The following ZNF791 variants were observed in gnomAD, a reference collection of about 807,000 sequenced individuals.
The protein encoded by ZNF791 is zinc finger protein 791.
In ZNF791, 4 loss-of-function variants were observed where a neutral mutation model predicts 11.5. The observed-to-expected ratio is 0.35, with a 90% CI of 0.17 to 0.80. The LOEUF is 0.80. Ranked by LOEUF, ZNF791 falls within the 30% of genes least tolerant of loss-of-function variation. ZNF791 has a pLI of 0.53. For synonymous variants in ZNF791, 212 were observed against 228.1 expected, an observed-to-expected ratio of 0.93 and a Z score of 0.64; for missense variants, 559 against 699.4, an observed-to-expected ratio of 0.80 and a Z score of 2.26.
At position 12,628,019 on chromosome 19, in the gene ZNF791, C is replaced by T. The variant is rs2023453600; in HGVS notation, c.490C>T (p.Gln164Ter). ...TGGAGAAAAACCCTATAAATGTAAA[C>T]AATGTGGAAAAACCTTCATATATCA... is the stretch of plus-strand genomic sequence containing the variant. ...HTGEKPYKCK[Q>*]CGKTFIYHQP... Residue 164 changes from glutamine to a stop codon, truncating the protein, a stop_gained, in exon 4 of 4, where the codon CAA becomes TAA. Transcript: ENST00000343325. LOFTEE classifies it low-confidence loss of function (END_TRUNC). 2 of 1,612,820 alleles carry T rather than the reference C, an allele frequency of 1.2e-6. No homozygotes were observed. The highest frequency in any genetic ancestry group is 1.7e-6 in the Non-Finnish European group (2 of 1,179,558).
chr19:12,629,133 T>C lies in ZNF791; in HGVS notation c.1604T>C (p.Leu535Pro). The change falls in exon 4 of 4, where the codon CTT (leucine) becomes CCT (proline). Residue 535 changes from leucine to proline, a missense_variant. Physicochemically the swap from Leu to Pro is moderately conservative, Grantham distance 98. Coordinates refer to ENST00000343325, the MANE Select transcript of ZNF791 (RefSeq NM_153358.3). ...KCKECGKAFS[L>P]HSSFQRHTRI... ...AAAGAATGTGGGAAGGCCTTTAGTCTTCACAGTTCCTTTCAAAGACATACA... is the reference window on the plus strand; with the variant it reads ...AAAGAATGTGGGAAGGCCTTTAGTCCTCACAGTTCCTTTCAAAGACATACA... 6.2e-7 allele frequency: 1 copy of C among 1,603,092 alleles called. No individual in the cohort carries two copies. Among genetic ancestry groups the C allele is most frequent in the Non-Finnish European group, 8.5e-7 (1 of 1,175,902 alleles).
intron 1 of ZNF791, among the ~76,000 whole-genome samples, chr19:12,621,326 A>G (rs1223624602): frequency 2.0e-5 from 3 of 152,104 alleles, no homozygotes; most frequent in Non-Finnish European, 4.4e-5. Context: ...ATTTTGTGAA[A>G]GTCTAAGTTG....
At chr19:12,621,361 G>A (rs967016755) in intron 1 of ZNF791, among the ~76,000 whole-genome samples, 1 of 152,068 alleles carries the variant, frequency 6.6e-6, no homozygotes, top group Non-Finnish European at 1.5e-5. Flanking sequence ...TTGTGCCTGA[G>A]CTGTCTTCCC....
intron 1 of ZNF791, among the ~76,000 whole-genome samples, chr19:12,619,946 C>T (rs1387000887): frequency 1.3e-5 from 2 of 150,620 alleles, no homozygotes; most frequent in East Asian, 1.9e-4. Context: ...TTTTTTGAGA[C>T]GGAGTCTCGC....
At chr19:12,612,551 C>G (rs1158301302) in intron 1 of ZNF791, among the ~76,000 whole-genome samples, 2 of 150,398 alleles carry the variant, frequency 1.3e-5, no homozygotes, top group East Asian at 1.9e-4. Flanking sequence ...AAGCGATTCT[C>G]CTGCCTCAAC....
rs8102283 is a variant in ZNF791, at chr19:12,613,408, C to T, written c.3+2326C>T. 8.6e-3 allele frequency among the ~76,000 whole-genome samples: 1,306 copies of T among 151,952 alleles called. 25 individuals carry two copies. Among genetic ancestry groups the T allele is most frequent in the African/African-American group, 0.03 (1,259 of 41,476 alleles). ...CATCCTGGCTAACATTGTGAAACCC[C>T]GTCTCTACTAAAAATACAAAAAATT... On this transcript the variant is annotated intron_variant, in intron 1 of 3. Transcript: ENST00000343325.
Position 12,623,870 on chromosome 19 carries a change from T to TTG in ZNF791, c.130+44_130+45insTG, listed in dbSNP as rs1555703477. The TTG allele has an allele frequency of 1.2e-3, 870 of 714,740 alleles. 2 individuals carry two copies. Among genetic ancestry groups the TTG allele is most frequent in the African/African-American group, 3.9e-3 (187 of 48,152 alleles). 44.3% of individuals were successfully genotyped at this position (714,740 alleles called of 1,614,324 possible). A position where few individuals can be genotyped will look rare whatever the true frequency, so the allele number is the denominator to read the frequency against. On this transcript the variant is annotated intron_variant, in intron 2 of 3. Coordinates refer to ENST00000343325, the MANE Select transcript of ZNF791 (RefSeq NM_153358.3). The stretch of plus-strand genomic sequence containing the variant: ...TTTCTTTTTTCTTTTTTTTTTTTTT[T>TTG]GGGGGGGGACAGAGTTTCACTATTG...
rs771611758 is a variant in ZNF791, at chr19:12,628,059, G to C, written c.530G>C (p.Arg177Thr). ...KTFIYHQPFQ[R>T]HERTHIGEKP... ...TTCATATATCACCAGCCCTTTCAAA[G>C]ACATGAGCGGACTCACATTGGAGAA... Residue 177 changes from arginine to threonine, a missense_variant, in exon 4 of 4, where the codon AGA becomes ACA. Coordinates refer to ENST00000343325, the MANE Select transcript of ZNF791 (RefSeq NM_153358.3). The C allele has an allele frequency of 1.2e-6, 2 of 1,613,442 alleles. No homozygotes were observed. Among genetic ancestry groups the C allele is most frequent in the South Asian group, 2.2e-5 (2 of 90,982 alleles).
At chr19:12,619,123 G>C (rs571401972) in intron 1 of ZNF791, among the ~76,000 whole-genome samples, 1 of 152,082 alleles carries the variant, frequency 6.6e-6, no homozygotes, top group Non-Finnish European at 1.5e-5. Flanking sequence ...GGGATTACAG[G>C]CGTGAGCCAC....
chr19:12,611,228 C>A, intron 1 of ZNF791, 146 bp downstream of exon 1: 2 of 1,136,054 alleles, frequency 1.8e-6, no homozygotes, highest in South Asian at 1.5e-5. Context: ...CGACTGCGGT[C>A]CCAGCCCCGG....
intron 1 of ZNF791, among the ~76,000 whole-genome samples, chr19:12,622,497 C>T (rs1256115649): frequency 6.8e-6 from 1 of 146,748 alleles, no homozygotes; most frequent in Non-Finnish European, 1.5e-5. Context: ...AGAAATTAGG[C>T]TGTGGGCTGG....
rs2023516142 is a variant in ZNF791 at position 12,632,887 on chromosome 19, A to G, written c.*3627A>G. ...GAGGTGGGCGGATCACGAAGTCAGG[A>G]GATTGAGACCATCCTGGCTAATACA... is the stretch of plus-strand genomic sequence containing the variant. On this transcript the variant is annotated 3_prime_UTR_variant, in exon 4 of 4. Transcript: ENST00000343325. 1.3e-5 allele frequency: 2 copies of G among 152,188 alleles called. No homozygotes were observed. Among genetic ancestry groups the G allele is most frequent in the African/African-American group, 4.8e-5 (2 of 41,528 alleles). 9.4% of individuals were successfully genotyped at this position (152,188 alleles called of 1,614,324 possible).
chr19:12,614,000 G>C (rs935710829), intron 1 of ZNF791, among the ~76,000 whole-genome samples: 8 of 152,166 alleles, frequency 5.3e-5, no homozygotes, highest in African/African-American at 1.7e-4. Flanking sequence ...TGAAGGTCAG[G>C]ACTTATGTTT....
Position 12,628,764 on chromosome 19 carries a change from A to G in ZNF791, c.1235A>G (p.Tyr412Cys). ...AGAAATCACACTGGAGAAAAACCCT[A>G]TGAGTGTAAGGAATGTGCAAAAACC... Reference protein sequence around the residue: ...HKRNHTGEKPYECKECAKTFI... With the variant: ...HKRNHTGEKPCECKECAKTFI... The change falls in exon 4 of 4, where the codon TAT (tyrosine) becomes TGT (cysteine). Residue 412 changes from tyrosine to cysteine, a missense_variant. By Grantham distance (194) the Tyr-to-Cys change is radical. Transcript: ENST00000343325. 6.2e-7 allele frequency: 1 copy of G among 1,612,730 alleles called. No homozygotes were observed. Among genetic ancestry groups the G allele is most frequent in the South Asian group, 1.1e-5 (1 of 90,636 alleles).
chr19:12,614,178 AG>A (rs1323997900), intron 1 of ZNF791, among the ~76,000 whole-genome samples: 2 of 152,162 alleles, frequency 1.3e-5, no homozygotes, highest in Non-Finnish European at 2.9e-5. Flanking sequence ...CTTGCTGATC[AG>A]GTGCTTCTAT....
Position 12,628,212 on chromosome 19 carries a change from C to T in ZNF791, c.683C>T (p.Ser228Phe). ...CAATGTGGGAAAGCCTTCAGTTGTT[C>T]CAGTTCTATTCGAGTACACGAAAGA... ...CKQCGKAFSC[S>F]SSIRVHERTH... is the part of the protein sequence containing the mutation. Residue 228 changes from serine (S) to phenylalanine (F), a missense_variant, in exon 4 of 4, where the codon TCC becomes TTC. By Grantham distance (155) the Ser-to-Phe change is radical. Transcript: ENST00000343325. 6.2e-7 allele frequency: 1 copy of T among 1,613,772 alleles called. No homozygotes were observed. Among genetic ancestry groups the T allele is most frequent in the African/African-American group, 1.3e-5 (1 of 74,966 alleles).
intron 1 of ZNF791, among the ~76,000 whole-genome samples, chr19:12,618,829 G>C (rs931252478): frequency 1.3e-5 from 2 of 150,978 alleles, no homozygotes; most frequent in South Asian, 2.1e-4. Context: ...GTGTGTGTGT[G>C]TGTGTGTGTG....
chr19:12,627,651 C>A, intron 3 of ZNF791, 70 bp from the exon 4 acceptor site: 1 of 1,352,812 alleles, frequency 7.4e-7, no homozygotes, highest in Non-Finnish European at 1.0e-6. Context: ...AACTTTAGTT[C>A]TACTACCCGA....
intron 1 of ZNF791, 114 bp from the exon 2 acceptor site, chr19:12,623,586 G>A: frequency 1.2e-5 from 16 of 1,332,220 alleles, no homozygotes; most frequent in Non-Finnish European, 1.3e-5. Flanking sequence ...TAACAATTGA[G>A]TCATGCACTA....
Sources: gnomAD v4.1 joint callset for allele counts (sites outside exome capture counted in the v4.1 genomes callset) on GRCh38, gnomAD v4.1.1 for gene constraint, MANE v1.5 for transcripts, NCBI Gene and HGNC (gene_info 2026-07-23, HGNC 2026-07-21) for gene names.